The following ACOXL variants were observed in gnomAD, a reference collection of about 807,000 sequenced individuals.
ACOXL encodes the protein acyl-coenzyme A oxidase-like protein.
Under a neutral mutation model 71.9 loss-of-function variants are expected in ACOXL, and 70 were observed. The ratio of observed to expected loss-of-function variants is 0.97; its 90% CI spans 0.80 to 1.19. ACOXL has a LOEUF of 1.19. ACOXL is among the 50% of genes most tolerant of loss of function. The pLI is 0.00. For missense variants in ACOXL, 703 were observed against 736.3 expected (o/e 0.95, Z 0.52); for synonymous variants, 253 against 281.6 (o/e 0.90, Z 1.02).
At chr2:111,050,906 C>A (rs1021770512) in intron 16 of ACOXL, among the ~76,000 whole-genome samples, 4 of 152,168 alleles carry the variant, frequency 2.6e-5, no homozygotes, top group Admixed American at 2.6e-4. Flanking sequence ...TGCTGACTTT[C>A]ATGGTGCTCT....
chr2:111,063,456 G>A (rs1382734640), intron 16 of ACOXL, among the ~76,000 whole-genome samples: 1 of 152,118 alleles, frequency 6.6e-6, no homozygotes, highest in Non-Finnish European at 1.5e-5. Context: ...GAAGACGCAA[G>A]GCTGGTTCAA....
chr2:110,919,165 A>C (rs1450038578), intron 11 of ACOXL, among the ~76,000 whole-genome samples: 1 of 152,244 alleles, frequency 6.6e-6, no homozygotes, highest in East Asian at 1.9e-4. Context: ...CCAAATGCCC[A>C]TCAATGATAG....
intron 16 of ACOXL, among the ~76,000 whole-genome samples, chr2:111,080,867 A>T (rs1049156324): frequency 1.3e-5 from 2 of 152,246 alleles, no homozygotes; most frequent in Non-Finnish European, 2.9e-5. Flanking sequence ...CTAGTTCAAC[A>T]CATACAAATC....
chr2:111,028,474 C>G (rs1358703261), intron 14 of ACOXL, among the ~76,000 whole-genome samples: 2 of 152,022 alleles, frequency 1.3e-5, no homozygotes, highest in African/African-American at 4.8e-5. Context: ...CCTTTTTAAT[C>G]TCCTTTAATT....
chr2:110,795,027 C>G (rs1468157254), intron 5 of ACOXL, among the ~76,000 whole-genome samples: 1 of 151,670 alleles, frequency 6.6e-6, no homozygotes, highest in African/African-American at 2.4e-5. Flanking sequence ...TTGGGTGTTC[C>G]TAAGAACTAC....
At chr2:110,764,845 C>G (rs946610547) in intron 1 of ACOXL, among the ~76,000 whole-genome samples, 8 of 152,264 alleles carry the variant, frequency 5.3e-5, no homozygotes, top group African/African-American at 1.9e-4. Context: ...AATAAGTAAT[C>G]TAGTCTACTA....
intron 1 of ACOXL, among the ~76,000 whole-genome samples, chr2:110,757,229 C>T (rs1360606705): frequency 3.9e-5 from 6 of 152,158 alleles, no homozygotes; most frequent in Admixed American, 2.6e-4. Context: ...ATGTCCTAAT[C>T]GCATTCCTTT....
intron 10 of ACOXL, among the ~76,000 whole-genome samples, chr2:110,890,762 C>CT (rs1279768913): frequency 3.3e-5 from 5 of 151,886 alleles, no homozygotes; most frequent in Admixed American, 1.3e-4. Flanking sequence ...CAACATTATT[C>CT]TTTTTTTTCA....
At chr2:110,745,930 A>G (rs1441703731) in intron 1 of ACOXL, among the ~76,000 whole-genome samples, 1 of 152,142 alleles carries the variant, frequency 6.6e-6, no homozygotes, top group African/African-American at 2.4e-5. Flanking sequence ...TTTTCCTGCA[A>G]GGGGACTGGA....
chr2:110,981,829 G>A (rs2062718911), intron 12 of ACOXL, among the ~76,000 whole-genome samples: 1 of 152,124 alleles, frequency 6.6e-6, no homozygotes, highest in African/African-American at 2.4e-5. Flanking sequence ...GGAAGACCCC[G>A]AGGGACGGCT....
intron 1 of ACOXL, among the ~76,000 whole-genome samples, chr2:110,735,773 G>A (rs1337488809): frequency 6.6e-6 from 1 of 152,232 alleles, no homozygotes; most frequent in African/African-American, 2.4e-5. Context: ...CATTCTGGGT[G>A]ACTGGCGGCT....
chr2:111,030,486 C>T (rs911351094), intron 14 of ACOXL, among the ~76,000 whole-genome samples: 7 of 152,174 alleles, frequency 4.6e-5, no homozygotes, highest in African/African-American at 1.4e-4. Context: ...GCCTGCGGCC[C>T]CAGGTGATGT....
chr2:110,880,649 C>G (rs1696522812), intron 10 of ACOXL, among the ~76,000 whole-genome samples: 1 of 152,132 alleles, frequency 6.6e-6, no homozygotes, highest in Admixed American at 6.6e-5. Flanking sequence ...CCAAACTGCT[C>G]TGCAAAAGAC....
intron 10 of ACOXL, among the ~76,000 whole-genome samples, chr2:110,861,811 G>T (rs551157524): frequency 9.2e-5 from 14 of 152,094 alleles, no homozygotes; most frequent in Non-Finnish European, 1.5e-4. Flanking sequence ...CCTTGTGTTT[G>T]TTTAGCAGGA....
At chr2:110,745,442 C>G (rs141581518) in intron 1 of ACOXL, among the ~76,000 whole-genome samples, 102 of 152,306 alleles carry the variant, frequency 6.7e-4, no homozygotes, top group Non-Finnish European at 1.2e-3. Flanking sequence ...CAACCAGCAT[C>G]ATGTAGTTTG....
At chr2:110,905,390 G>A (rs2059404755) in intron 10 of ACOXL, among the ~76,000 whole-genome samples, 1 of 152,166 alleles carries the variant, frequency 6.6e-6, no homozygotes, top group Non-Finnish European at 1.5e-5. Context: ...TGGGAGAAAA[G>A]GCTGGAACAC....
At chr2:110,936,732 G>A (rs1377348164) in intron 12 of ACOXL, among the ~76,000 whole-genome samples, 1 of 152,206 alleles carries the variant, frequency 6.6e-6, no homozygotes, top group Admixed American at 6.5e-5. Context: ...ATCGGCTGAG[G>A]TCCAGAAGGG....
At chr2:110,858,493 A>G (rs1693541199) in intron 10 of ACOXL, among the ~76,000 whole-genome samples, 1 of 152,222 alleles carries the variant, frequency 6.6e-6, no homozygotes, top group African/African-American at 2.4e-5. Context: ...CTGGGGTAAG[A>G]TAAAGCTCGG....
chr2:111,007,598 T>G (rs1416166710), intron 14 of ACOXL, among the ~76,000 whole-genome samples: 1 of 152,188 alleles, frequency 6.6e-6, no homozygotes, highest in Non-Finnish European at 1.5e-5. Flanking sequence ...CTTTTTTGAG[T>G]ACTTCCTTAC....
Sources: gnomAD v4.1 joint callset for allele counts (sites outside exome capture counted in the v4.1 genomes callset) on GRCh38, gnomAD v4.1.1 for gene constraint, MANE v1.5 for transcripts, NCBI Gene and HGNC (gene_info 2026-07-23, HGNC 2026-07-21) for gene names.